DAZAP1: variants seen among roughly 807,000 people sequenced by gnomAD.
The protein encoded by DAZAP1 is DAZ associated protein 1, also known as DAZ-associated protein 1.
Under a neutral mutation model 60.1 loss-of-function variants are expected in DAZAP1, and 6 were observed. The ratio of observed to expected loss-of-function variants is 0.10; its 90% CI spans 0.05 to 0.20. The LOEUF is 0.20. DAZAP1 is among the 10% of genes least tolerant of loss of function. The pLI, the probability that DAZAP1 is intolerant of heterozygous loss-of-function variation, is 1.00. For synonymous variants in DAZAP1, 235 were observed against 215.9 expected, an observed-to-expected ratio of 1.09 and a Z score of -0.78; for missense variants, 366 against 560.4, an observed-to-expected ratio of 0.65 and a Z score of 3.50.
At chr19:1,417,612 C>A in intron 2 of DAZAP1, 72 bp downstream of exon 2, 1 of 1,374,794 alleles carries the variant, frequency 7.3e-7, no homozygotes, top group Non-Finnish European at 1.0e-6. Context: ...GTTGTGTCTG[C>A]CCGCCTCTTG....
At position 1,434,519 on chromosome 19, in the gene DAZAP1, T is replaced by G; in HGVS notation, c.1049-218T>G. Reference sequence around the variant, plus strand: ...CCATGGAGGGCTCTGGAAGCCGCTTTTCTCTGTGTGTGCCCCTGCTCACAT... The same window carrying G: ...CCATGGAGGGCTCTGGAAGCCGCTTGTCTCTGTGTGTGCCCCTGCTCACAT... On this transcript the variant is annotated intron_variant, in intron 11 of 11. Coordinates refer to ENST00000233078, the MANE Select transcript of DAZAP1 (RefSeq NM_018959.4). The surrounding 1 kb of genome is among the most constrained non-coding windows in gnomAD (Gnocchi z 8.0). 1.9e-6 allele frequency: 1 copy of G among 525,948 alleles called. No homozygotes were observed. Among genetic ancestry groups the G allele is most frequent in the Non-Finnish European group, 3.4e-6 (1 of 296,898 alleles). 32.6% of individuals were successfully genotyped at this position (525,948 alleles called of 1,614,324 possible).
chr19:1,433,954 G>A lies in DAZAP1; in HGVS notation c.1049-783G>A. The A allele has an allele frequency of 2.4e-6, 2 of 820,696 alleles. No individual in the cohort carries two copies. Among genetic ancestry groups the A allele is most frequent in the Admixed American group, 4.7e-5 (2 of 42,408 alleles). The allele number at this position is 820,696 out of a possible 1,614,324, so 50.8% of individuals were successfully genotyped here. A position where few individuals can be genotyped will look rare whatever the true frequency, so the allele number is the denominator to read the frequency against. ...CCTCTGGGAAGGGGCCCTTGCCGGT[G>A]CCAAGACATTGGCCACAAGCCTTCA... On this transcript the variant is annotated intron_variant, in intron 11 of 11. Transcript: ENST00000233078. This position sits in a 1 kb window ranked among gnomAD's most constrained non-coding sequence, Gnocchi z 6.1.
At position 1,432,814 on chromosome 19, in the gene DAZAP1, G is replaced by A; in HGVS notation, c.1048+124G>A. On this transcript the variant is annotated intron_variant, in intron 11 of 11. Transcript: ENST00000233078. This position sits in a 1 kb window ranked among gnomAD's most constrained non-coding sequence, Gnocchi z 4.9. ...TTTACCTGGTGGGAAAGGGGAGAGGGAGGAGAGGGGGGTGTGGGGGTTGTT... is the reference window on the plus strand; with the variant it reads ...TTTACCTGGTGGGAAAGGGGAGAGGAAGGAGAGGGGGGTGTGGGGGTTGTT... The A allele has an allele frequency of 8.4e-7, 1 of 1,187,648 alleles. No individual in the cohort carries two copies. Among genetic ancestry groups the A allele is most frequent in the Non-Finnish European group, 1.2e-6 (1 of 848,622 alleles). 73.6% of individuals were successfully genotyped at this position (1,187,648 alleles called of 1,614,324 possible).
In DAZAP1 at chr19:1,433,835, C is replaced by T. The variant is rs1025484314; in HGVS notation, c.1049-902C>T. ...AGCAGTGATGTGGCCTAGGTAGGTGCCGCCTCCTTCTCCAGGGTCCTCCCA... is the reference window on the plus strand; with the variant it reads ...AGCAGTGATGTGGCCTAGGTAGGTGTCGCCTCCTTCTCCAGGGTCCTCCCA... On this transcript the variant is annotated intron_variant, in intron 11 of 11. Coordinates refer to ENST00000233078, the MANE Select transcript of DAZAP1 (RefSeq NM_018959.4). This position sits in a 1 kb window ranked among gnomAD's most constrained non-coding sequence, Gnocchi z 6.1. The T allele has an allele frequency of 2.5e-6, 4 of 1,612,514 alleles. No homozygotes were observed. Among genetic ancestry groups the T allele is most frequent in the Non-Finnish European group, 3.4e-6 (4 of 1,178,804 alleles).
rs376260232 is a variant in DAZAP1 at position 1,418,747 on chromosome 19, G to C, written c.303+16G>C. On this transcript the variant is annotated intron_variant, in intron 4 of 11. Transcript: ENST00000233078. This position sits in a 1 kb window ranked among gnomAD's most constrained non-coding sequence, Gnocchi z 5.7. ...GGAAGGATGGGTAAGGGGCTGGGCC[G>C]GGCGGCCTCCTTGTGTGTTCTCCAC... The C allele has an allele frequency of 3.1e-6, 5 of 1,594,730 alleles. No individual in the cohort carries two copies. The highest frequency in any genetic ancestry group is 3.4e-6 in the Non-Finnish European group (4 of 1,170,484).
At position 1,418,840 on chromosome 19, in the gene DAZAP1, G is replaced by C. The variant is rs1002930895; in HGVS notation, c.303+109G>C. The C allele has an allele frequency of 4.3e-6, 5 of 1,163,348 alleles. No individual in the cohort carries two copies. The highest frequency in any genetic ancestry group is 4.9e-6 in the Non-Finnish European group (4 of 821,644). 72.1% of individuals were successfully genotyped at this position (1,163,348 alleles called of 1,614,324 possible). Reference sequence around the variant, plus strand: ...GCTCGTTAAGATTGAGGGCGACGCAGGTCTTCTGGGTTGGCACTCGAGCAG... The same window carrying C: ...GCTCGTTAAGATTGAGGGCGACGCACGTCTTCTGGGTTGGCACTCGAGCAG... On this transcript the variant is annotated intron_variant, in intron 4 of 11. Coordinates refer to ENST00000233078, the MANE Select transcript of DAZAP1 (RefSeq NM_018959.4). The surrounding 1 kb of genome is among the most constrained non-coding windows in gnomAD (Gnocchi z 5.7).
Position 1,434,703 on chromosome 19 carries a change from G to T in DAZAP1, c.1049-34G>T, listed in dbSNP as rs778976695. ...TCGACGGCAGTGCCAACCGCCCAGGGACCGCCCCGAGCTCACAGGACTTTC... is the reference window on the plus strand; with the variant it reads ...TCGACGGCAGTGCCAACCGCCCAGGTACCGCCCCGAGCTCACAGGACTTTC... On this transcript the variant is annotated intron_variant, in intron 11 of 11. Coordinates refer to ENST00000233078, the MANE Select transcript of DAZAP1 (RefSeq NM_018959.4). This position sits in a 1 kb window ranked among gnomAD's most constrained non-coding sequence, Gnocchi z 8.0. The T allele has an allele frequency of 6.2e-6, 10 of 1,605,830 alleles. No individual in the cohort carries two copies. The East Asian group carries it at 2.0e-4, about 33-fold the overall frequency.
Position 1,411,664 on chromosome 19 carries a change from G to A in DAZAP1, c.29+3862G>A, listed in dbSNP as rs376975078. Among the ~76,000 whole-genome samples, 7 of 152,260 alleles carry A rather than the reference G, an allele frequency of 4.6e-5. No individual in the cohort carries two copies. In the East Asian group the frequency reaches 9.7e-4, roughly 21 times the overall value. On this transcript the variant is annotated intron_variant, in intron 1 of 11. Coordinates refer to ENST00000233078, the MANE Select transcript of DAZAP1 (RefSeq NM_018959.4). ...CCCAGAGCTAGCAGCAGCGCGCAGC[G>A]TGCCCAGCTGTGCTTGTAGCCTTGG...
intron 1 of DAZAP1, among the ~76,000 whole-genome samples, chr19:1,408,488 A>G (rs1170242408): frequency 1.3e-5 from 2 of 152,118 alleles, no homozygotes; most frequent in African/African-American, 4.8e-5. Context: ...CGGTTCTGCC[A>G]CCGCCCAACC....
rs951462112 is a variant in DAZAP1 at position 1,422,118 on chromosome 19, G to A, written c.415-230G>A. Among the ~76,000 whole-genome samples the A allele has an allele frequency of 1.3e-5, 2 of 152,246 alleles. No individual in the cohort carries two copies. Among genetic ancestry groups the A allele is most frequent in the African/African-American group, 2.4e-5 (1 of 41,468 alleles). ...GCAGCCCGGAGGCGGGTATCCAGAC[G>A]CCTGCCCTGGAGCTGCTTCTCCCTG... On this transcript the variant is annotated intron_variant, in intron 5 of 11. Transcript: ENST00000233078. This position sits in a 1 kb window ranked among gnomAD's most constrained non-coding sequence, Gnocchi z 4.5.
Position 1,433,451 on chromosome 19 carries a change from C to G in DAZAP1, c.1048+761C>G. 2 of 450,800 alleles carry G rather than the reference C, an allele frequency of 4.4e-6. No individual in the cohort carries two copies. Among genetic ancestry groups the G allele is most frequent in the East Asian group, 4.1e-5 (1 of 24,528 alleles). 27.9% of individuals were successfully genotyped at this position (450,800 alleles called of 1,614,324 possible). On this transcript the variant is annotated intron_variant, in intron 11 of 11. Coordinates refer to ENST00000233078, the MANE Select transcript of DAZAP1 (RefSeq NM_018959.4). The surrounding 1 kb of genome is among the most constrained non-coding windows in gnomAD (Gnocchi z 6.1). The stretch of plus-strand genomic sequence containing the variant: ...AGGTGGCCACGGGCTTCCGGGGTGC[C>G]TGTGAACACGCTTCCTCTAGGCCTG...
At chr19:1,417,979 G>A (rs116856251) in intron 2 of DAZAP1, among the ~76,000 whole-genome samples, 3 of 152,188 alleles carry the variant, frequency 2.0e-5, no homozygotes, top group African/African-American at 2.4e-5. Flanking sequence ...GGTTGTAACC[G>A]CTGGCCACTG....
intron 1 of DAZAP1, chr19:1,417,297 G>T (rs2083015043): frequency 7.8e-6 from 5 of 644,496 alleles, no homozygotes; most frequent in Non-Finnish European, 1.4e-5. Context: ...CCATGGCAAG[G>T]ATTGGGATCA....
rs1175547419 is a variant in DAZAP1, at chr19:1,423,557, G to T, written c.463+1161G>T. Among the ~76,000 whole-genome samples the T allele has an allele frequency of 6.6e-6, 1 of 152,202 alleles. No homozygotes were observed. Among genetic ancestry groups the T allele is most frequent in the East Asian group, 1.9e-4 (1 of 5,200 alleles). ...GTCCCGCTTCCTCAGTGGTGATGTC[G>T]CCTCTTGACAGCCGCATTCCTAGAC... On this transcript the variant is annotated intron_variant, in intron 6 of 11. Transcript: ENST00000233078. This position sits in a 1 kb window ranked among gnomAD's most constrained non-coding sequence, Gnocchi z 6.8.
rs1189091647 is a variant in DAZAP1 at position 1,423,540 on chromosome 19, T to C, written c.463+1144T>C. Among the ~76,000 whole-genome samples the C allele has an allele frequency of 6.6e-6, 1 of 152,214 alleles. No homozygotes were observed. The highest frequency in any genetic ancestry group is 1.5e-5 in the Non-Finnish European group (1 of 68,020). On this transcript the variant is annotated intron_variant, in intron 6 of 11. Coordinates refer to ENST00000233078, the MANE Select transcript of DAZAP1 (RefSeq NM_018959.4). This position sits in a 1 kb window ranked among gnomAD's most constrained non-coding sequence, Gnocchi z 6.8. ...AAGTTTCAGGTGTTTCTGTCCCGCT[T>C]CCTCAGTGGTGATGTCGCCTCTTGA...
intron 8 of DAZAP1, among the ~76,000 whole-genome samples, chr19:1,429,576 C>T (rs2083391432): frequency 6.6e-6 from 1 of 152,218 alleles, no homozygotes. Flanking sequence ...TTCCCTGCAC[C>T]TCGTCTAAAA....
At chr19:1,410,237 A>G (rs1378088388) in intron 1 of DAZAP1, among the ~76,000 whole-genome samples, 3 of 152,114 alleles carry the variant, frequency 2.0e-5, no homozygotes, top group Non-Finnish European at 4.4e-5. Flanking sequence ...TGCCTTACAC[A>G]CACCGACTTC....
Position 1,432,251 on chromosome 19 carries a change from G to A in DAZAP1, c.872-263G>A. 1.9e-6 allele frequency: 1 copy of A among 534,860 alleles called. No homozygotes were observed. The highest frequency in any genetic ancestry group is 3.3e-6 in the Non-Finnish European group (1 of 301,328). The allele number at this position is 534,860 out of a possible 1,614,324, so 33.1% of individuals were successfully genotyped here. A position where few individuals can be genotyped will look rare whatever the true frequency, so the allele number is the denominator to read the frequency against. On this transcript the variant is annotated intron_variant, in intron 10 of 11. Coordinates refer to ENST00000233078, the MANE Select transcript of DAZAP1 (RefSeq NM_018959.4). This position sits in a 1 kb window ranked among gnomAD's most constrained non-coding sequence, Gnocchi z 4.9. ...TGAGTTCTTGTCTGAGGCCCACCTG[G>A]CGGCTGCTCCGTGAGGAACGAGGTG...
At chr19:1,415,097 C>T (rs998850377) in intron 1 of DAZAP1, among the ~76,000 whole-genome samples, 1 of 152,070 alleles carries the variant, frequency 6.6e-6, no homozygotes, top group African/African-American at 2.4e-5. Context: ...GTTATCTAAC[C>T]CCCCCGGCCC....
Sources: allele counts gnomAD v4.1 joint callset (sites outside exome capture counted in the v4.1 genomes callset), GRCh38; gene constraint gnomAD v4.1.1; non-coding constraint Gnocchi (gnomAD v3.1); transcripts MANE v1.5; gene names NCBI Gene and HGNC (gene_info 2026-07-23, HGNC 2026-07-21).